Variants in ATP6V0A4 observed in about 807,000 individuals in gnomAD.
ATP6V0A4 encodes the protein V-type proton ATPase 116 kDa subunit a 4.
ATP6V0A4 carries 86 observed loss-of-function variants against 107.3 expected under a neutral mutation model. The ratio of observed to expected loss-of-function variants is 0.80; its 90% CI spans 0.67 to 0.96. ATP6V0A4 has a LOEUF of 0.96. Among genes scored for constraint, ATP6V0A4 ranks in the 40% least tolerant of loss-of-function variants. ATP6V0A4 has a pLI of 0.00. For synonymous variants in ATP6V0A4, 353 were observed against 381.4 expected (o/e 0.93, Z 0.87); for missense variants, 908 against 1,045.6 (o/e 0.87, Z 1.81).
intron 19 of ATP6V0A4, among the ~76,000 whole-genome samples, chr7:138,718,373 G>A (rs1804216304): frequency 8.9e-6 from 1 of 112,318 alleles, no homozygotes; most frequent in Non-Finnish European, 1.8e-5. Flanking sequence ...GGGGAATGCA[G>A]TCACGGATGT....
Position 138,768,694 on chromosome 7 carries a change from A to T in ATP6V0A4, c.291+86T>A, listed in dbSNP as rs62486966. 0.11 allele frequency: 166,394 copies of T among 1,502,338 alleles called. 10,716 individuals are homozygous for T. The highest frequency in any genetic ancestry group is 0.31 in the East Asian group (13,355 of 42,704). The allele number at this position is 1,502,338 out of a possible 1,614,324, so 93.1% of individuals were successfully genotyped here. On this transcript the variant is annotated intron_variant, in intron 5 of 21. Coordinates refer to ENST00000310018, the MANE Select transcript of ATP6V0A4 (RefSeq NM_020632.3). ...CCTGCCTTCAAGCAAACAGGTACGG[A>T]ATCTGCAAGTGGCTCTCAGGGCCTT...
At chr7:138,777,860 G>C (rs1005750153) in intron 2 of ATP6V0A4, among the ~76,000 whole-genome samples, 2 of 152,144 alleles carry the variant, frequency 1.3e-5, no homozygotes, top group African/African-American at 2.4e-5. Context: ...GGGTTTTCTT[G>C]TTACTTCCTA....
At position 138,745,105 on chromosome 7, in the gene ATP6V0A4, C is replaced by T. The variant is rs1406569651; in HGVS notation, c.1478+18G>A. 1.2e-6 allele frequency: 2 copies of T among 1,603,624 alleles called. No homozygotes were observed. Among genetic ancestry groups the T allele is most frequent in the Middle Eastern group, 1.7e-4 (1 of 6,032 alleles). On this transcript the variant is annotated intron_variant, in intron 14 of 21. Transcript: ENST00000310018. The stretch of plus-strand genomic sequence containing the variant: ...CCTGGATGGCCAGCGACTACACCAT[C>T]TCTGTCTGTCAACTCACTTCCATGT...
chr7:138,768,493 GA>G (rs1231471276), intron 5 of ATP6V0A4, among the ~76,000 whole-genome samples: 1 of 148,600 alleles, frequency 6.7e-6, no homozygotes, highest in Non-Finnish European at 1.5e-5. Flanking sequence ...CTGCCTGTAA[GA>G]ATCAAACACC....
chr7:138,755,717 A>G lies in ATP6V0A4; in HGVS notation c.788T>C (p.Val263Ala). 1 of 1,613,898 alleles carries G rather than the reference A, an allele frequency of 6.2e-7. No homozygotes were observed. Among genetic ancestry groups the G allele is most frequent in the Non-Finnish European group, 8.5e-7 (1 of 1,180,028 alleles). ...AVERREMLES[V>A]NVRLEDLITV... ...GATTAAATCTTCCAGCCTCACATTG[A>G]CGCTCTCCAACATCTCTCTGCGCTC... Residue 263 changes from valine (V) to alanine (A), a missense_variant, in exon 10 of 22, where the codon GTC (valine) becomes GCC (alanine). Transcript: ENST00000310018.
rs1362148787 is a variant in ATP6V0A4 at position 138,745,263 on chromosome 7, G to A, written c.1338C>T (p.Phe446=). 6.2e-7 allele frequency: 1 copy of A among 1,614,092 alleles called. No homozygotes were observed. Among genetic ancestry groups the A allele is most frequent in the East Asian group, 2.2e-5 (1 of 44,868 alleles). ...KTDNEIWNTF[F]HGRYLILLMG... is the part of the protein sequence containing the mutation. ...TAAGTAGGATCAGATAGCGCCCGTGGAAGAAGGTGTTCCAAATCTGGCCTC... is the reference window on the plus strand; with the variant it reads ...TAAGTAGGATCAGATAGCGCCCGTGAAAGAAGGTGTTCCAAATCTGGCCTC... Residue 446 remains phenylalanine (F), a synonymous_variant, in exon 14 of 22, where the codon TTC becomes TTT. Coordinates refer to ENST00000310018, the MANE Select transcript of ATP6V0A4 (RefSeq NM_020632.3).
intron 19 of ATP6V0A4, among the ~76,000 whole-genome samples, chr7:138,719,015 T>C (rs1804296684): frequency 1.3e-5 from 2 of 151,688 alleles, no homozygotes; most frequent in Admixed American, 1.3e-4. Flanking sequence ...TGAGACCCCA[T>C]CTTTACCAAA....
chr7:138,786,821 C>A (rs573574175), intron 1 of ATP6V0A4, among the ~76,000 whole-genome samples: 32 of 152,210 alleles, frequency 2.1e-4, no homozygotes, highest in Middle Eastern at 6.8e-3. Flanking sequence ...CTTGGGAGCA[C>A]CTCCCTAGTT....
chr7:138,766,965 T>A (rs888247281), intron 5 of ATP6V0A4, among the ~76,000 whole-genome samples: 12 of 152,220 alleles, frequency 7.9e-5, no homozygotes, highest in African/African-American at 2.7e-4. Context: ...TGGATTATCT[T>A]CCTCTCCTTC....
At chr7:138,716,566 A>AT (rs35748444) in intron 19 of ATP6V0A4, among the ~76,000 whole-genome samples, 4 of 126,718 alleles carry the variant, frequency 3.2e-5, no homozygotes, top group South Asian at 3.0e-4. Flanking sequence ...GTGACAGACA[A>AT]TTTTTTTTTG....
At chr7:138,706,888 G>GTTTT in intron 21 of ATP6V0A4, 171 bp from the exon 22 acceptor site, 1 of 449,110 alleles carries the variant, frequency 2.2e-6, no homozygotes, top group Non-Finnish European at 2.8e-6. Flanking sequence ...GAATCCTGAG[G>GTTTT]ATTTTTTTTT....
intron 15 of ATP6V0A4, among the ~76,000 whole-genome samples, chr7:138,736,581 TA>T (rs1228249483): frequency 6.6e-6 from 1 of 152,116 alleles, no homozygotes; most frequent in Non-Finnish European, 1.5e-5. Flanking sequence ...TTTTTATTTT[TA>T]TTTTTTTGAG....
intron 19 of ATP6V0A4, among the ~76,000 whole-genome samples, chr7:138,721,696 G>C (rs1308651090): frequency 2.0e-5 from 3 of 152,138 alleles, no homozygotes; most frequent in Admixed American, 2.0e-4. Context: ...TGCCCAGATT[G>C]GTTGCTAAAT....
At chr7:138,719,492 A>G (rs1014861019) in intron 19 of ATP6V0A4, among the ~76,000 whole-genome samples, 3 of 152,182 alleles carry the variant, frequency 2.0e-5, no homozygotes, top group South Asian at 2.1e-4. Context: ...GCATCCACCA[A>G]TCAATCATCA....
At chr7:138,768,452 C>G (rs1336797100) in intron 5 of ATP6V0A4, among the ~76,000 whole-genome samples, 1 of 152,110 alleles carries the variant, frequency 6.6e-6, no homozygotes, top group East Asian at 1.9e-4. Context: ...ACACTCAGCC[C>G]ATTCAGTGGC....
intron 19 of ATP6V0A4, among the ~76,000 whole-genome samples, chr7:138,719,620 T>G (rs1341282912): frequency 2.0e-5 from 3 of 152,330 alleles, no homozygotes; most frequent in Admixed American, 2.0e-4. Context: ...CACATCAATG[T>G]GGGGACAGTA....
chr7:138,755,950 CA>C, intron 9 of ATP6V0A4, 168 bp from the exon 10 acceptor site: 1 of 1,219,876 alleles, frequency 8.2e-7, no homozygotes, highest in Admixed American at 2.1e-5. Flanking sequence ...TAAGGGTTCC[CA>C]GTACGTCACT....
chr7:138,789,112 C>T (rs912905778), intron 1 of ATP6V0A4, among the ~76,000 whole-genome samples: 2 of 152,068 alleles, frequency 1.3e-5, no homozygotes, highest in African/African-American at 2.4e-5. Flanking sequence ...CCTGACCATC[C>T]GTGGATATGT....
At chr7:138,710,646 G>C (rs114074592) in intron 20 of ATP6V0A4, among the ~76,000 whole-genome samples, 1 of 152,102 alleles carries the variant, frequency 6.6e-6, no homozygotes, top group Non-Finnish European at 1.5e-5. Flanking sequence ...TTCAAAAAAC[G>C]TTTAGCTAAT....
Sources: gnomAD v4.1 joint callset for allele counts (sites outside exome capture counted in the v4.1 genomes callset) on GRCh38, gnomAD v4.1.1 for gene constraint, MANE v1.5 for transcripts, NCBI Gene and HGNC (gene_info 2026-07-23, HGNC 2026-07-21) for gene names.